TENM3: variants seen among roughly 807,000 people sequenced by gnomAD.
The protein encoded by TENM3 is teneurin-3.
TENM3 carries 63 observed loss-of-function variants against 255.1 expected under a neutral mutation model. That is an observed-to-expected ratio of 0.25 (90% confidence interval 0.20 to 0.30). The LOEUF (loss-of-function observed/expected upper bound fraction) is 0.30, where lower values mean the gene tolerates loss of function less well. Among genes scored for constraint, TENM3 ranks in the 10% least tolerant of loss-of-function variants. TENM3 has a pLI of 1.00. For synonymous variants in TENM3, 1,306 were observed against 1,322.3 expected, an observed-to-expected ratio of 0.99 and a Z score of 0.27; for missense variants, 2,929 against 3,461.1, an observed-to-expected ratio of 0.85 and a Z score of 3.86.
chr4:182,327,870 C>T (rs1388074712), intron 2 of TENM3, among the ~76,000 whole-genome samples: 2 of 152,212 alleles, frequency 1.3e-5, no homozygotes. Flanking sequence ...GATCATCCCA[C>T]AGCTTTTGGA....
intron 1 of TENM3, 85 bp from the exon 2 acceptor site, chr4:182,323,861 A>G: frequency 1.6e-6 from 1 of 615,988 alleles, no homozygotes; most frequent in Non-Finnish European, 2.9e-6. Flanking sequence ...ATTGTTTCCT[A>G]CCATCCCAGA....
At chr4:182,604,194 G>A (rs1465368513) in intron 4 of TENM3, among the ~76,000 whole-genome samples, 1 of 152,114 alleles carries the variant, frequency 6.6e-6, no homozygotes, top group African/African-American at 2.4e-5. Context: ...CAATGTGACT[G>A]TGTACTGTAC....
At chr4:181,802,482 A>C in the TENM3 span, among the ~76,000 whole-genome samples, 1 of 152,230 alleles carries the variant, frequency 6.6e-6, no homozygotes, top group African/African-American at 2.4e-5. Flanking sequence ...AGAGAAAAAA[A>C]TAGGTCTTTT....
the TENM3 span, among the ~76,000 whole-genome samples, chr4:181,514,122 G>A: frequency 1.3e-5 from 2 of 152,160 alleles, no homozygotes; most frequent in African/African-American, 4.8e-5. Context: ...TTGGAAAACA[G>A]TAAACACTTT....
chr4:182,610,869 G>A (rs572087875), intron 4 of TENM3, among the ~76,000 whole-genome samples: 1 of 149,950 alleles, frequency 6.7e-6, no homozygotes, highest in Non-Finnish European at 1.5e-5. Context: ...TCAGCCTCCC[G>A]AGTAGCTGAG....
chr4:181,578,013 C>T, the TENM3 span, among the ~76,000 whole-genome samples: 2 of 152,156 alleles, frequency 1.3e-5, no homozygotes, highest in Non-Finnish European at 2.9e-5. Flanking sequence ...CTTTGGAGTT[C>T]TTCACAGCCC....
At chr4:182,096,997 T>C in the TENM3 span, among the ~76,000 whole-genome samples, 2 of 152,206 alleles carry the variant, frequency 1.3e-5, no homozygotes, top group South Asian at 2.1e-4. Flanking sequence ...AAAGCTGTTT[T>C]TTTAAAACCT....
chr4:182,073,222 A>C, the TENM3 span, among the ~76,000 whole-genome samples: 4 of 152,198 alleles, frequency 2.6e-5, no homozygotes, highest in East Asian at 3.9e-4. Context: ...GGGAAATGCC[A>C]GGTGCTTAAA....
At chr4:182,548,264 G>C in intron 3 of TENM3, among the ~76,000 whole-genome samples, 1 of 152,044 alleles carries the variant, frequency 6.6e-6, no homozygotes, top group East Asian at 1.9e-4. Context: ...GATCAGAATA[G>C]AAAAAGACCG....
chr4:182,406,554 G>A (rs1364707419), intron 3 of TENM3, among the ~76,000 whole-genome samples: 1 of 152,190 alleles, frequency 6.6e-6, no homozygotes, highest in Non-Finnish European at 1.5e-5. Context: ...TTAGGAGAGA[G>A]GGCTGGCCGC....
At chr4:182,133,379 AT>A in the TENM3 span, among the ~76,000 whole-genome samples, 1 of 152,022 alleles carries the variant, frequency 6.6e-6, no homozygotes, top group Non-Finnish European at 1.5e-5. Flanking sequence ...AAAGCTCTTC[AT>A]TTTTTTTGAT....
intron 1 of TENM3, among the ~76,000 whole-genome samples, chr4:182,256,537 T>C (rs1758411846): frequency 6.6e-6 from 1 of 152,162 alleles, no homozygotes; most frequent in Non-Finnish European, 1.5e-5. Context: ...ATCCTAAAAC[T>C]CTCAAAATAT....
At chr4:181,721,926 C>T in the TENM3 span, among the ~76,000 whole-genome samples, 1 of 151,954 alleles carries the variant, frequency 6.6e-6, no homozygotes, top group Non-Finnish European at 1.5e-5. Flanking sequence ...GCAGTAGTGC[C>T]CGTGGGAGAT....
chr4:182,735,652 G>A (rs944326697), intron 16 of TENM3, among the ~76,000 whole-genome samples: 8 of 152,112 alleles, frequency 5.3e-5, no homozygotes, highest in African/African-American at 1.2e-4. Flanking sequence ...TTAATTCTTC[G>A]TGGAGAAAGT....
intron 6 of TENM3, among the ~76,000 whole-genome samples, chr4:182,656,418 T>C (rs566329636): frequency 1.1e-4 from 16 of 152,304 alleles, no homozygotes; most frequent in African/African-American, 3.9e-4. Context: ...CTCCTAAATA[T>C]TGTTCTTAAA....
At chr4:181,958,921 C>T in the TENM3 span, among the ~76,000 whole-genome samples, 4 of 152,164 alleles carry the variant, frequency 2.6e-5, no homozygotes, top group Admixed American at 6.5e-5. Flanking sequence ...TGTATATAAA[C>T]GTATTTCAAT....
chr4:181,603,656 C>A, the TENM3 span, among the ~76,000 whole-genome samples: 1 of 152,134 alleles, frequency 6.6e-6, no homozygotes, highest in Non-Finnish European at 1.5e-5. Flanking sequence ...TCACATCCAA[C>A]AAGCACCTAC....
At chr4:182,320,214 G>A (rs1480427673) in intron 1 of TENM3, among the ~76,000 whole-genome samples, 9 of 152,202 alleles carry the variant, frequency 5.9e-5, no homozygotes, top group Admixed American at 5.9e-4. Context: ...TTTAGACTTT[G>A]CAGGCCATCA....
intron 4 of TENM3, among the ~76,000 whole-genome samples, chr4:182,603,761 T>TTATTTTTATATATA: frequency 1.1e-5 from 1 of 88,252 alleles, no homozygotes. Flanking sequence ...TCTTTGGCAA[T>TTATTTTTATATATA]TATTTATATA....
Sources: allele counts gnomAD v4.1 joint callset (sites outside exome capture counted in the v4.1 genomes callset), GRCh38; gene constraint gnomAD v4.1.1; transcripts MANE v1.5; gene names NCBI Gene and HGNC (gene_info 2026-07-23, HGNC 2026-07-21).